MYLK: variants seen among roughly 807,000 people sequenced by gnomAD.
MYLK encodes myosin light chain kinase, smooth muscle.
MYLK carries 106 observed loss-of-function variants against 203.4 expected under a neutral mutation model. The ratio of observed to expected loss-of-function variants is 0.52; its 90% CI spans 0.45 to 0.61. The LOEUF is 0.61. MYLK is among the 20% of genes least tolerant of loss of function. The pLI, the probability that MYLK is intolerant of heterozygous loss-of-function variation, is 0.00. For synonymous variants in MYLK, 867 were observed against 959.5 expected, an observed-to-expected ratio of 0.90 and a Z score of 1.78; for missense variants, 2,072 against 2,442.3, an observed-to-expected ratio of 0.85 and a Z score of 3.20.
Position 123,620,343 on chromosome 3 carries a change from A to C in MYLK, c.5239-7T>G. 1 of 1,614,118 alleles carries C rather than the reference A, an allele frequency of 6.2e-7. No individual in the cohort carries two copies. The highest frequency in any genetic ancestry group is 1.7e-4 in the Middle Eastern group (1 of 6,060). On this transcript the variant is annotated splice_region_variant and splice_polypyrimidine_tract_variant and intron_variant, in intron 31 of 33. Coordinates refer to ENST00000360304, the MANE Select transcript of MYLK (RefSeq NM_053025.4). ...TCACAGCATTGCCCGTTTTCTGGAA[A>C]ATAGACACGAGGGTTGGACTCAGGC...
rs1576580764 is a variant in MYLK at position 123,692,756 on chromosome 3, A to G, written c.3544T>C (p.Ser1182Pro). The change falls in exon 19 of 34, where the codon TCC (serine) becomes CCC (proline). Residue 1182 changes from serine to proline, a missense_variant. Ser to Pro is a moderately conservative substitution (Grantham distance 74). This residue lies in a region of MYLK where 865 missense variants were observed against 1,016.0 expected (regional missense o/e 0.85). Transcript: ENST00000360304. ...AKNDAGQAEC[S>P]CQVTVDDAPA... ...CTACCATCCACGGTGACTTGGCAGG[A>G]GCACTCCGCCTGGCCAGCGTCATTC... is the stretch of plus-strand genomic sequence containing the variant. 2 of 1,613,828 alleles carry G rather than the reference A, an allele frequency of 1.2e-6. No individual in the cohort carries two copies. Among genetic ancestry groups the G allele is most frequent in the Non-Finnish European group, 1.7e-6 (2 of 1,179,942 alleles).
intron 3 of MYLK, among the ~76,000 whole-genome samples, chr3:123,814,693 C>T (rs896894251): frequency 6.6e-6 from 1 of 152,154 alleles, no homozygotes; most frequent in Non-Finnish European, 1.5e-5. Flanking sequence ...AGCAAGTAGA[C>T]AAGCCAAAAC....
chr3:123,880,206 C>A (rs1029917318), intron 1 of MYLK, among the ~76,000 whole-genome samples: 1 of 152,140 alleles, frequency 6.6e-6, no homozygotes, highest in Non-Finnish European at 1.5e-5. Context: ...GAACACCCAG[C>A]CAGTAAGTGA....
chr3:123,703,377 G>A (rs1479247815), intron 16 of MYLK, among the ~76,000 whole-genome samples: 1 of 152,172 alleles, frequency 6.6e-6, no homozygotes, highest in African/African-American at 2.4e-5. Context: ...CCCAGGCTGT[G>A]CTGGTGCAGG....
At chr3:123,830,024 C>G (rs2148618610) in intron 3 of MYLK, among the ~76,000 whole-genome samples, 1 of 152,318 alleles carries the variant, frequency 6.6e-6, no homozygotes, top group Non-Finnish European at 1.5e-5. Flanking sequence ...ATGTTCCCGT[C>G]ACAGCATAAA....
At chr3:123,720,837 A>G (rs545830945) in intron 13 of MYLK, among the ~76,000 whole-genome samples, 1 of 152,258 alleles carries the variant, frequency 6.6e-6, no homozygotes, top group East Asian at 1.9e-4. Context: ...CAGTTCCTTC[A>G]TCCCTAAGGG....
chr3:123,832,821 TC>T, intron 2 of MYLK, among the ~76,000 whole-genome samples: 1 of 152,278 alleles, frequency 6.6e-6, no homozygotes, highest in South Asian at 2.1e-4. Flanking sequence ...GAAAAAAAAT[TC>T]TACTATTTGT....
chr3:123,686,275 G>A (rs867991936), intron 19 of MYLK, among the ~76,000 whole-genome samples: 2 of 152,092 alleles, frequency 1.3e-5, no homozygotes, highest in African/African-American at 4.8e-5. Context: ...GTGAGGAAGT[G>A]GGGGGCCTCT....
At chr3:123,643,886 G>A (rs534176888) in intron 27 of MYLK, among the ~76,000 whole-genome samples, 16 of 152,364 alleles carry the variant, frequency 1.1e-4, no homozygotes, top group Admixed American at 8.5e-4. Context: ...AACATGAGAT[G>A]AGCCATGGAT....
intron 29 of MYLK, among the ~76,000 whole-genome samples, chr3:123,637,554 C>G (rs1216458834): frequency 6.6e-6 from 1 of 152,180 alleles, no homozygotes; most frequent in Non-Finnish European, 1.5e-5. Flanking sequence ...ATCTGTTAGT[C>G]CCATTGAAGG....
chr3:123,824,182 T>C (rs561688285), intron 3 of MYLK, among the ~76,000 whole-genome samples: 1 of 151,908 alleles, frequency 6.6e-6, no homozygotes, highest in East Asian at 1.9e-4. Flanking sequence ...CTCTGCCTCC[T>C]GGGTCCAAGT....
chr3:123,775,936 C>T (rs1380556060), intron 4 of MYLK, among the ~76,000 whole-genome samples: 1 of 152,166 alleles, frequency 6.6e-6, no homozygotes, highest in African/African-American at 2.4e-5. Context: ...TCTCCTGAGC[C>T]CTAGGCTGTC....
At chr3:123,653,228 CCTCT>C (rs2059276523) in intron 24 of MYLK, among the ~76,000 whole-genome samples, 1 of 152,110 alleles carries the variant, frequency 6.6e-6, no homozygotes, top group African/African-American at 2.4e-5. Flanking sequence ...CTTGATCCCA[CCTCT>C]CTGCCAACAC....
chr3:123,746,627 T>C (rs988474346), intron 5 of MYLK, among the ~76,000 whole-genome samples: 2 of 152,338 alleles, frequency 1.3e-5, no homozygotes, highest in South Asian at 4.1e-4. Flanking sequence ...GCTAACTCTT[T>C]TGTATACTAA....
At chr3:123,803,284 G>A (rs1397522210) in intron 3 of MYLK, among the ~76,000 whole-genome samples, 1 of 152,208 alleles carries the variant, frequency 6.6e-6, no homozygotes, top group Non-Finnish European at 1.5e-5. Context: ...CTGAATCTAT[G>A]ATGACTGCTA....
In MYLK at chr3:123,680,512, C is replaced by T. The variant is rs140285535; in HGVS notation, c.3652+1712G>A. 2.6e-3 allele frequency among the ~76,000 whole-genome samples: 397 copies of T among 152,326 alleles called. 3 individuals carry two copies. The highest frequency in any genetic ancestry group is 9.3e-3 in the African/African-American group (385 of 41,562). ...AGATAAAATTATTAACCCATTCTCA[C>T]CAGATTTTTCTTGGTATTATGTATG... On this transcript the variant is annotated intron_variant, in intron 20 of 33. Coordinates refer to ENST00000360304, the MANE Select transcript of MYLK (RefSeq NM_053025.4).
chr3:123,854,951 T>C (rs760357155), intron 2 of MYLK, among the ~76,000 whole-genome samples: 1 of 152,214 alleles, frequency 6.6e-6, no homozygotes, highest in Non-Finnish European at 1.5e-5. Flanking sequence ...GAAATACCTG[T>C]CAGTCTGTCA....
chr3:123,696,261 T>A (rs2060920998), intron 18 of MYLK, among the ~76,000 whole-genome samples: 1 of 151,758 alleles, frequency 6.6e-6, no homozygotes. Flanking sequence ...GATACACAGG[T>A]TGATGGGGAG....
At chr3:123,723,947 T>C (rs2062185131) in intron 12 of MYLK, among the ~76,000 whole-genome samples, 1 of 152,222 alleles carries the variant, frequency 6.6e-6, no homozygotes, top group Non-Finnish European at 1.5e-5. Context: ...TATCTCATGA[T>C]ATGTAAAAAT....
Sources: allele counts gnomAD v4.1 joint callset (sites outside exome capture counted in the v4.1 genomes callset), GRCh38; gene constraint gnomAD v4.1.1; regional missense constraint gnomAD v4.1.1; transcripts MANE v1.5; gene names NCBI Gene and HGNC (gene_info 2026-07-23, HGNC 2026-07-21).